SCARB2: variants seen among roughly 807,000 people sequenced by gnomAD.
SCARB2 encodes the protein scavenger receptor class B member 2.
A neutral mutation model predicts 58.6 loss-of-function variants in SCARB2; 29 were observed. The observed-to-expected ratio is 0.49, with a 90% CI of 0.37 to 0.67. The LOEUF is 0.67. Ranked by LOEUF, SCARB2 falls within the 30% of genes least tolerant of loss-of-function variation. The pLI is 0.00. For missense variants in SCARB2, 488 were observed against 578.5 expected (o/e 0.84, Z 1.60); for synonymous variants, 195 against 210.1 (o/e 0.93, Z 0.62).
intron 1 of SCARB2, among the ~76,000 whole-genome samples, chr4:76,202,639 A>G (rs1732851737): frequency 6.6e-6 from 1 of 152,200 alleles, no homozygotes; most frequent in Non-Finnish European, 1.5e-5. Flanking sequence ...GAAAATTTGG[A>G]CAATGAAGAA....
rs946246254 is a variant in SCARB2 at position 76,170,679 on chromosome 4, G to A, written c.995-694C>T. On this transcript the variant is annotated intron_variant, in intron 7 of 11. Transcript: ENST00000264896. ...ACTACAGGCATGCACCACCACACCC[G>A]GATAATTTTTTTGTATTTTTAGTAG... Among the ~76,000 whole-genome samples, 6 of 151,774 alleles carry A rather than the reference G, an allele frequency of 4.0e-5. No individual in the cohort carries two copies. The South Asian group carries it at 6.2e-4, about 16-fold the overall frequency.
At chr4:76,182,510 G>A (rs189743784) in intron 2 of SCARB2, among the ~76,000 whole-genome samples, 138 of 152,186 alleles carry the variant, frequency 9.1e-4, no homozygotes, top group African/African-American at 3.1e-3. Context: ...TTACACATGT[G>A]GTTCATGTAA....
chr4:76,193,861 T>C (rs1732654112), intron 2 of SCARB2: 1 of 152,242 alleles, frequency 6.6e-6, no homozygotes, highest in South Asian at 2.1e-4. Context: ...GATTATATTT[T>C]AACATGTGAG....
intron 1 of SCARB2, among the ~76,000 whole-genome samples, chr4:76,222,335 TC>T (rs1733323767): frequency 6.6e-6 from 1 of 152,046 alleles, no homozygotes; most frequent in Admixed American, 6.6e-5. Flanking sequence ...CAAGCAATCC[TC>T]GTGCCTTGGC....
chr4:76,161,565 T>C lies in SCARB2; in HGVS notation c.*148A>G, dbSNP rs1284335100. On this transcript the variant is annotated 3_prime_UTR_variant, in exon 12 of 12. Transcript: ENST00000264896. Reference sequence around the variant, plus strand: ...CCATGTCAGCCTGCTCTTTAACCTCTGGCCAGAATGTTCCTATCACTTGCC... The same window carrying C: ...CCATGTCAGCCTGCTCTTTAACCTCCGGCCAGAATGTTCCTATCACTTGCC... 1 of 804,532 alleles carries C rather than the reference T, an allele frequency of 1.2e-6. No homozygotes were observed. Among genetic ancestry groups the C allele is most frequent in the Non-Finnish European group, 2.2e-6 (1 of 464,896 alleles). The allele number at this position is 804,532 out of a possible 1,614,324, so 49.8% of individuals were successfully genotyped here.
intron 1 of SCARB2, among the ~76,000 whole-genome samples, chr4:76,203,784 G>T (rs1397107810): frequency 6.6e-6 from 1 of 152,192 alleles, no homozygotes; most frequent in Admixed American, 6.6e-5. Context: ...ACCCAAGTCA[G>T]CCTAACAGCA....
At chr4:76,217,483 G>C (rs1264633640), upstream of SCARB2, 1 of 408,018 alleles carries the variant, frequency 2.5e-6, no homozygotes, top group Admixed American at 4.2e-5. Context: ...GTCAGAGAGC[G>C]GGTTGTTGAA....
At chr4:76,210,948 C>G (rs1733031867) in intron 1 of SCARB2, among the ~76,000 whole-genome samples, 1 of 152,138 alleles carries the variant, frequency 6.6e-6, no homozygotes, top group South Asian at 2.1e-4. Context: ...AATGAAAAAA[C>G]AAAGAACTGG....
At chr4:76,166,168 C>T in intron 10 of SCARB2, 82 bp downstream of exon 10, 3 of 1,332,166 alleles carry the variant, frequency 2.3e-6, no homozygotes, top group Non-Finnish European at 3.3e-6. Context: ...TCATAACTTA[C>T]ATGTAACTAC....
intron 1 of SCARB2, among the ~76,000 whole-genome samples, chr4:76,232,323 T>C (rs895116405): frequency 6.6e-6 from 1 of 152,238 alleles, no homozygotes. Context: ...GTCCTGTACA[T>C]TTTCCTTTAT....
chr4:76,161,046 G>A lies in SCARB2; in HGVS notation c.*667C>T, dbSNP rs1446907703. The A allele has an allele frequency of 1.3e-5, 2 of 152,762 alleles. No individual in the cohort carries two copies. Among genetic ancestry groups the A allele is most frequent in the African/African-American group, 4.8e-5 (2 of 41,376 alleles). The allele number at this position is 152,762 out of a possible 1,614,324, so 9.5% of individuals were successfully genotyped here. A position where few individuals can be genotyped will look rare whatever the true frequency, so the allele number is the denominator to read the frequency against. ...CAAAAGTACAAGTTAAAAATCCTTA[G>A]GAGCTTATCACTATCAACTCATGGG... On this transcript the variant is annotated 3_prime_UTR_variant, in exon 12 of 12. Transcript: ENST00000264896.
chr4:76,217,700 G>A, upstream of SCARB2: 1 of 589,472 alleles, frequency 1.7e-6, no homozygotes, highest in Non-Finnish European at 3.1e-6. Flanking sequence ...TATTGTTATA[G>A]CAACACAAAC....
chr4:76,215,490 T>C (rs1274371521), upstream of SCARB2, among the ~76,000 whole-genome samples: 1 of 152,198 alleles, frequency 6.6e-6, no homozygotes, highest in African/African-American at 2.4e-5. Flanking sequence ...AGCATGATGG[T>C]TTAAAAATGG....
In SCARB2 at chr4:76,231,128, G is replaced by A. The variant is rs183552724; in HGVS notation, c.-358+3175C>T. 6.6e-5 allele frequency among the ~76,000 whole-genome samples: 10 copies of A among 152,338 alleles called. 1 individual carries two copies. The highest frequency in any genetic ancestry group is 5.9e-4 in the Admixed American group (9 of 15,304). On this transcript the variant is annotated intron_variant, in intron 1 of 11. Coordinates refer to the SCARB2 transcript ENST00000638295. The stretch of plus-strand genomic sequence containing the variant: ...AACTGAGTCCTCCTCCAATAAGGGA[G>A]AGGAAAGGATGTCTTGTGACACACC...
chr4:76,214,255 A>G, upstream of SCARB2: 1 of 455,520 alleles, frequency 2.2e-6, no homozygotes, highest in Non-Finnish European at 4.4e-6. Context: ...AAGTGCTTCT[A>G]CCAGGTGCCT....
chr4:76,193,359 G>A (rs1732644229), intron 2 of SCARB2: 1 of 152,344 alleles, frequency 6.6e-6, no homozygotes, highest in Non-Finnish European at 1.5e-5. Flanking sequence ...GTGAGGAGGG[G>A]AAATGCGGAG....
chr4:76,231,775 A>G (rs1733497617), intron 1 of SCARB2, among the ~76,000 whole-genome samples: 1 of 152,192 alleles, frequency 6.6e-6, no homozygotes. Context: ...TTAAGGTTCC[A>G]AGATAAACTT....
intron 6 of SCARB2, chr4:76,174,537 A>G (rs1732206975): frequency 5.6e-6 from 3 of 532,966 alleles, no homozygotes. Flanking sequence ...CATCCAAACA[A>G]GAAAAAACAA....
At chr4:76,220,359 G>A (rs1227463137) in intron 1 of SCARB2, among the ~76,000 whole-genome samples, 2 of 152,210 alleles carry the variant, frequency 1.3e-5, no homozygotes, top group African/African-American at 4.8e-5. Context: ...GGGTGTGGTG[G>A]CTCATACCTG....
Sources: allele counts gnomAD v4.1 joint callset (sites outside exome capture counted in the v4.1 genomes callset), GRCh38; gene constraint gnomAD v4.1.1; transcripts MANE v1.5; gene names NCBI Gene and HGNC (gene_info 2026-07-23, HGNC 2026-07-21).